The following PTCHD4 variants were observed in gnomAD, a reference collection of about 807,000 sequenced individuals.
PTCHD4 encodes the protein patched domain containing 4.
Under a neutral mutation model 58.1 loss-of-function variants are expected in PTCHD4, and 33 were observed. The ratio of observed to expected loss-of-function variants is 0.57; its 90% CI spans 0.43 to 0.76. PTCHD4 has a LOEUF of 0.76. Ranked by LOEUF, PTCHD4 falls within the 30% of genes least tolerant of loss-of-function variation. The pLI is 0.00. For synonymous variants in PTCHD4, 478 were observed against 409.6 expected (o/e 1.17, Z -2.02); for missense variants, 1,058 against 1,027.1 (o/e 1.03, Z -0.41).
intron 4 of PTCHD4, among the ~76,000 whole-genome samples, chr6:47,910,350 A>G (rs1034674369): frequency 1.3e-5 from 2 of 152,114 alleles, no homozygotes; most frequent in Admixed American, 6.6e-5. Context: ...TGTGTCTGTT[A>G]GCCCCCTATA....
chr6:47,988,124 G>A (rs1209517794), intron 4 of PTCHD4, among the ~76,000 whole-genome samples: 1 of 152,070 alleles, frequency 6.6e-6, no homozygotes, highest in Non-Finnish European at 1.5e-5. Flanking sequence ...CTAAGCAGAG[G>A]AGGAAAAGAA....
rs930938834 is a variant in PTCHD4 at position 47,867,676 on chromosome 6, C to G, written c.*10627G>C. On this transcript the variant is annotated 3_prime_UTR_variant, in exon 5 of 5. Transcript: ENST00000339488. ...TGCCCTTGTATATTTCACTTTTTCT[C>G]CCTGACTGTTGAGCCCATCCTCCAT... Among the ~76,000 whole-genome samples the G allele has an allele frequency of 3.3e-5, 5 of 151,716 alleles. No individual in the cohort carries two copies. The highest frequency in any genetic ancestry group is 7.4e-5 in the Non-Finnish European group (5 of 67,802).
chr6:47,908,900 A>T (rs1764983078), intron 4 of PTCHD4, among the ~76,000 whole-genome samples: 2 of 152,186 alleles, frequency 1.3e-5, no homozygotes, highest in South Asian at 4.1e-4. Context: ...AAAAGATTAC[A>T]ATATGGAATA....
intron 3 of PTCHD4, among the ~76,000 whole-genome samples, chr6:48,029,927 AAGTG>A (rs2114129590): frequency 6.6e-6 from 1 of 152,222 alleles, no homozygotes; most frequent in African/African-American, 2.4e-5. Flanking sequence ...CCAGCATTAC[AAGTG>A]AGTAAGGAAT....
intron 4 of PTCHD4, among the ~76,000 whole-genome samples, chr6:47,999,820 T>C (rs1222359116): frequency 6.6e-6 from 1 of 152,206 alleles, no homozygotes; most frequent in Non-Finnish European, 1.5e-5. Flanking sequence ...AACAATTATC[T>C]GACCCAGAAA....
chr6:48,028,140 G>C lies in PTCHD4; in HGVS notation c.418-19026C>G, dbSNP rs116110875. Among the ~76,000 whole-genome samples the C allele has an allele frequency of 3.0e-4, 45 of 151,950 alleles. 1 individual carries two copies. The highest frequency in any genetic ancestry group is 2.8e-3 in the Admixed American group (43 of 15,224). ...TATTTTTTTGTAAAGACAGGGTTTC[G>C]CATTGTTGGCCAGCCTGGTCTCGAA... On this transcript the variant is annotated intron_variant, in intron 3 of 4. Transcript: ENST00000339488.
rs1464626386 is a variant in PTCHD4, at chr6:47,875,775, T to C, written c.*2528A>G. Reference sequence around the variant, plus strand: ...TTGGCAGTGTATACCATTTCCTCCATGTGCTTTTGACAACTGGCATGCTTG... The same window carrying C: ...TTGGCAGTGTATACCATTTCCTCCACGTGCTTTTGACAACTGGCATGCTTG... On this transcript the variant is annotated 3_prime_UTR_variant, in exon 5 of 5. Transcript: ENST00000339488. Among the ~76,000 whole-genome samples, 1 of 151,806 alleles carries C rather than the reference T, an allele frequency of 6.6e-6. No homozygotes were observed. The highest frequency in any genetic ancestry group is 1.5e-5 in the Non-Finnish European group (1 of 67,872).
intron 3 of PTCHD4, among the ~76,000 whole-genome samples, chr6:48,011,604 T>C (rs1251763081): frequency 2.0e-5 from 3 of 152,206 alleles, no homozygotes; most frequent in Non-Finnish European, 4.4e-5. Flanking sequence ...ATTTTGGCTT[T>C]TGTTGCCATT....
chr6:48,063,146 A>G (rs1020019247), intron 3 of PTCHD4, among the ~76,000 whole-genome samples: 4 of 152,150 alleles, frequency 2.6e-5, no homozygotes, highest in African/African-American at 9.7e-5. Flanking sequence ...CTGGCTCAAA[A>G]CTTTGGGCCA....
At chr6:48,037,933 T>G (rs1011285755) in intron 3 of PTCHD4, among the ~76,000 whole-genome samples, 1 of 151,810 alleles carries the variant, frequency 6.6e-6, no homozygotes, top group Non-Finnish European at 1.5e-5. Context: ...TCCTTTTATT[T>G]GTTATTGTTG....
In PTCHD4 at chr6:47,948,821, T is replaced by A. The variant is rs147640202; in HGVS notation, c.898+59813A>T. On this transcript the variant is annotated intron_variant, in intron 4 of 4. Coordinates refer to ENST00000339488, the MANE Select transcript of PTCHD4 (RefSeq NM_001384253.1). ...AGTCTGAACTCCAGGTCTTGCTTAGTCCTAGAACTTTATATTTATACAGTT... is the reference window on the plus strand; with the variant it reads ...AGTCTGAACTCCAGGTCTTGCTTAGACCTAGAACTTTATATTTATACAGTT... 3.1e-3 allele frequency among the ~76,000 whole-genome samples: 465 copies of A among 152,280 alleles called. 3 individuals are homozygous for A. The highest frequency in any genetic ancestry group is 0.011 in the African/African-American group (439 of 41,568).
intron 1 of PTCHD4, among the ~76,000 whole-genome samples, chr6:48,083,470 C>T (rs934399916): frequency 2.0e-5 from 3 of 151,990 alleles, no homozygotes; most frequent in African/African-American, 7.3e-5. Context: ...AGAATAATGG[C>T]CCTAGATATA....
intron 4 of PTCHD4, among the ~76,000 whole-genome samples, chr6:47,888,198 A>C (rs1021198758): frequency 8.7e-6 from 1 of 114,372 alleles, no homozygotes; most frequent in Non-Finnish European, 2.0e-5. Flanking sequence ...TCTACTAAAA[A>C]TACAAAAAAT....
At position 47,866,297 on chromosome 6, in the gene PTCHD4, T is replaced by C. The variant is rs149780507; in HGVS notation, c.*12006A>G. On this transcript the variant is annotated 3_prime_UTR_variant, in exon 5 of 5. Coordinates refer to ENST00000339488, the MANE Select transcript of PTCHD4 (RefSeq NM_001384253.1). ...ATTGAGCCACACATTGAAATCACTATGGGAACTCCCAGAAGTACTGAGGTT... is the reference window on the plus strand; with the variant it reads ...ATTGAGCCACACATTGAAATCACTACGGGAACTCCCAGAAGTACTGAGGTT... Among the ~76,000 whole-genome samples the C allele has an allele frequency of 2.0e-3, 305 of 151,996 alleles. 4 individuals are homozygous for C. The highest frequency in any genetic ancestry group is 6.7e-3 in the African/African-American group (280 of 41,522).
At chr6:48,021,420 C>G (rs1369496567) in intron 3 of PTCHD4, among the ~76,000 whole-genome samples, 6 of 152,074 alleles carry the variant, frequency 3.9e-5, no homozygotes, top group African/African-American at 9.7e-5. Flanking sequence ...ATATCACTCT[C>G]CTGGTATTGA....
chr6:47,909,837 C>T (rs982237894), intron 4 of PTCHD4, among the ~76,000 whole-genome samples: 1 of 151,932 alleles, frequency 6.6e-6, no homozygotes, highest in East Asian at 1.9e-4. Flanking sequence ...TCCTTCTCTT[C>T]TAATTAATGA....
At chr6:48,105,478 A>G (rs1765698720) in intron 1 of PTCHD4, among the ~76,000 whole-genome samples, 1 of 152,236 alleles carries the variant, frequency 6.6e-6, no homozygotes, top group Admixed American at 6.5e-5. Flanking sequence ...ATAGCACTAA[A>G]TACCCACAAG....
intron 4 of PTCHD4, chr6:47,899,678 A>C: frequency 2.2e-6 from 1 of 463,860 alleles, no homozygotes; most frequent in Non-Finnish European, 2.8e-6. Flanking sequence ...ACAATTTAAA[A>C]GTTTCTAGTA....
intron 4 of PTCHD4, among the ~76,000 whole-genome samples, chr6:47,918,770 T>C (rs1032980678): frequency 6.6e-6 from 1 of 152,168 alleles, no homozygotes; most frequent in Admixed American, 6.5e-5. Context: ...GTTTTTATCC[T>C]GGTACAATGT....
Sources: gnomAD v4.1 joint callset for allele counts (sites outside exome capture counted in the v4.1 genomes callset) on GRCh38, gnomAD v4.1.1 for gene constraint, MANE v1.5 for transcripts, NCBI Gene and HGNC (gene_info 2026-07-23, HGNC 2026-07-21) for gene names.